COMMD10: variants seen among roughly 807,000 people sequenced by gnomAD.
COMMD10 encodes COMM domain containing 10.
COMMD10 carries 33 observed loss-of-function variants against 28.9 expected under a neutral mutation model. That is an observed-to-expected ratio of 1.14 (90% CI 0.87 to 1.53). The LOEUF is 1.53. COMMD10 is among the 40% of genes most tolerant of loss of function. The pLI is 0.00. For missense variants in COMMD10, 310 were observed against 233.4 expected (o/e 1.33, Z -2.14); for synonymous variants, 110 against 81.7 (o/e 1.35, Z -1.87).
At chr5:116,119,964 A>G (rs1276349641) in intron 4 of COMMD10, among the ~76,000 whole-genome samples, 2 of 152,046 alleles carry the variant, frequency 1.3e-5, no homozygotes, top group Non-Finnish European at 2.9e-5. Flanking sequence ...TTTGTATAGT[A>G]TATACTGTAT....
chr5:116,226,941 A>G (rs1464306945), intron 5 of COMMD10, among the ~76,000 whole-genome samples: 2 of 152,000 alleles, frequency 1.3e-5, no homozygotes, highest in Non-Finnish European at 2.9e-5. Flanking sequence ...ACGTTCTCCC[A>G]TTTCACTCTC....
At chr5:116,112,683 C>T (rs1001537393) in intron 4 of COMMD10, among the ~76,000 whole-genome samples, 13 of 152,224 alleles carry the variant, frequency 8.5e-5, no homozygotes, top group South Asian at 6.2e-4. Flanking sequence ...CATGAGCCAC[C>T]GCTATATGGC....
chr5:116,258,059 A>T (rs1322814699), intron 5 of COMMD10, among the ~76,000 whole-genome samples: 1 of 151,758 alleles, frequency 6.6e-6, no homozygotes, highest in East Asian at 1.9e-4. Flanking sequence ...CCATATCAAT[A>T]CAGATCTACA....
chr5:116,219,730 C>T (rs1283050903), intron 5 of COMMD10, among the ~76,000 whole-genome samples: 1 of 152,176 alleles, frequency 6.6e-6, no homozygotes. Context: ...TTGTTTTCAG[C>T]AGCCATAGGT....
chr5:116,257,928 A>G (rs712563), intron 5 of COMMD10, among the ~76,000 whole-genome samples: 13 of 151,636 alleles, frequency 8.6e-5, no homozygotes, highest in African/African-American at 3.2e-4. Context: ...TTGTATACCC[A>G]ATTTCATTAT....
At chr5:116,183,196 G>T (rs1045106820) in intron 5 of COMMD10, among the ~76,000 whole-genome samples, 3 of 152,032 alleles carry the variant, frequency 2.0e-5, no homozygotes, top group Admixed American at 6.6e-5. Flanking sequence ...ATTACCATGG[G>T]CATATAATAT....
chr5:116,091,754 T>G (rs565059153), intron 3 of COMMD10, among the ~76,000 whole-genome samples: 7 of 152,202 alleles, frequency 4.6e-5, no homozygotes, highest in Non-Finnish European at 1.0e-4. Flanking sequence ...TTCTAATTTG[T>G]GGGGAGCAGG....
chr5:116,089,452 A>T (rs1300789672), intron 2 of COMMD10, among the ~76,000 whole-genome samples: 1 of 152,174 alleles, frequency 6.6e-6, no homozygotes, highest in Non-Finnish European at 1.5e-5. Flanking sequence ...TTATTTCTTC[A>T]GCTGGTGGGT....
At chr5:116,255,443 T>G (rs576710888) in intron 5 of COMMD10, among the ~76,000 whole-genome samples, 6 of 151,854 alleles carry the variant, frequency 4.0e-5, no homozygotes, top group African/African-American at 1.5e-4. Context: ...GTACTGGTTG[T>G]TCCTTTCCGT....
intron 5 of COMMD10, among the ~76,000 whole-genome samples, chr5:116,175,660 G>A (rs1417450465): frequency 2.0e-5 from 3 of 152,054 alleles, no homozygotes; most frequent in Non-Finnish European, 4.4e-5. Context: ...GCAAAATATG[G>A]TATATATATG....
intron 5 of COMMD10, among the ~76,000 whole-genome samples, chr5:116,183,047 G>C (rs144517975): frequency 7.2e-5 from 11 of 152,220 alleles, no homozygotes; most frequent in African/African-American, 2.4e-4. Context: ...AGAAATGTGA[G>C]TCAGTGAAAC....
At chr5:116,122,558 A>T (rs970170086) in intron 4 of COMMD10, among the ~76,000 whole-genome samples, 1 of 152,210 alleles carries the variant, frequency 6.6e-6, no homozygotes, top group African/African-American at 2.4e-5. Flanking sequence ...TTGAATCTAT[A>T]AATTACCTTG....
intron 4 of COMMD10, among the ~76,000 whole-genome samples, chr5:116,095,646 T>G (rs1750445258): frequency 6.7e-6 from 1 of 150,118 alleles, no homozygotes; most frequent in African/African-American, 2.4e-5. Context: ...ATCTGTTGTA[T>G]TTTTTTTTTC....
chr5:116,134,708 C>T (rs1341514718), intron 5 of COMMD10, among the ~76,000 whole-genome samples: 3 of 152,158 alleles, frequency 2.0e-5, no homozygotes, highest in African/African-American at 4.8e-5. Context: ...GCAGGCTCCG[C>T]CCCCTGGGGT....
chr5:116,240,418 A>G (rs1208781815), intron 5 of COMMD10, among the ~76,000 whole-genome samples: 1 of 152,212 alleles, frequency 6.6e-6, no homozygotes, highest in Non-Finnish European at 1.5e-5. Flanking sequence ...TTAATTACAA[A>G]TTAGCTTTTC....
At chr5:116,215,551 G>A (rs1191754713) in intron 5 of COMMD10, among the ~76,000 whole-genome samples, 2 of 151,586 alleles carry the variant, frequency 1.3e-5, no homozygotes, top group Non-Finnish European at 2.9e-5. Context: ...GCCAGGCGTG[G>A]TGGCGTGTGC....
At chr5:116,193,084 A>G (rs1459574901) in intron 5 of COMMD10, among the ~76,000 whole-genome samples, 1 of 152,202 alleles carries the variant, frequency 6.6e-6, no homozygotes, top group African/African-American at 2.4e-5. Flanking sequence ...TAAAGGAAAG[A>G]TAGTCTTTTT....
intron 5 of COMMD10, among the ~76,000 whole-genome samples, chr5:116,222,794 C>T (rs1301698751): frequency 6.6e-6 from 1 of 152,074 alleles, no homozygotes; most frequent in Non-Finnish European, 1.5e-5. Context: ...CAGGTTTAAG[C>T]GATTCTCCTG....
intron 4 of COMMD10, among the ~76,000 whole-genome samples, chr5:116,096,280 G>C (rs1580440504): frequency 6.7e-6 from 1 of 149,818 alleles, no homozygotes; most frequent in Non-Finnish European, 1.5e-5. Context: ...TTTGTTTTCA[G>C]CTTATCAATC....
Sources: allele counts gnomAD v4.1 joint callset (sites outside exome capture counted in the v4.1 genomes callset), GRCh38; gene constraint gnomAD v4.1.1; transcripts MANE v1.5; gene names NCBI Gene and HGNC (gene_info 2026-07-23, HGNC 2026-07-21).